SPEN: variants seen among roughly 807,000 people sequenced by gnomAD.
SPEN encodes spen family transcriptional repressor, also known as msx2-interacting protein.
In SPEN, 18 loss-of-function variants were observed where a neutral mutation model predicts 269.9. The observed-to-expected ratio is 0.07, with a 90% CI of 0.05 to 0.10. SPEN has a LOEUF of 0.10. Ranked by LOEUF, SPEN falls within the 10% of genes least tolerant of loss-of-function variation. The probability of loss-of-function intolerance (pLI) is 1.00; values close to 1 mark genes in which losing one functional copy is unlikely to be tolerated. For synonymous variants in SPEN, 1,726 were observed against 1,765.7 expected (o/e 0.98, Z 0.56); for missense variants, 3,822 against 4,631.2 (o/e 0.83, Z 5.07).
intron 1 of SPEN, among the ~76,000 whole-genome samples, chr1:15,871,088 C>T (rs1385923689): frequency 6.6e-6 from 1 of 152,148 alleles, no homozygotes; most frequent in Non-Finnish European, 1.5e-5. Context: ...CCTGCCTCAG[C>T]CTCCTGAGTA....
chr1:15,861,678 G>A (rs1467444056), intron 1 of SPEN, among the ~76,000 whole-genome samples: 3 of 151,894 alleles, frequency 2.0e-5, no homozygotes, highest in Non-Finnish European at 4.4e-5. Context: ...GGGTCTTGCT[G>A]TGTTTCCAGG....
At position 15,931,758 on chromosome 1, in the gene SPEN, G is replaced by A. The variant is rs771599410; in HGVS notation, c.5518G>A (p.Val1840Ile). Residue 1840 changes from valine (V) to isoleucine (I), a missense_variant, in exon 11 of 15, where the codon GTC becomes ATC. Val to Ile is a conservative substitution (Grantham distance 29). Around this residue, in one of 16 missense-constraint regions of SPEN, gnomAD observed 533 missense variants for 618.8 expected, o/e 0.86. Transcript: ENST00000375759. The surrounding 1 kb of genome is among the most constrained non-coding windows in gnomAD (Gnocchi z 4.8). ...AAAVSIVEKP[V>I]TRKSERIDRE... ...TGCAGTGAGTATCGTGGAGAAGCCC[G>A]TCACAAGGAAGAGTGAGAGGATAGA... is the stretch of plus-strand genomic sequence containing the variant. 38 of 1,613,962 alleles carry A rather than the reference G, an allele frequency of 2.4e-5. 1 individual carries two copies. Among genetic ancestry groups the A allele is most frequent in the South Asian group, 2.0e-4 (18 of 91,072 alleles).
intron 5 of SPEN, among the ~76,000 whole-genome samples, chr1:15,914,144 G>GT (rs1382331362): frequency 6.6e-6 from 1 of 152,160 alleles, no homozygotes; most frequent in East Asian, 1.9e-4. Context: ...GTCCACCTGA[G>GT]TTTCATGTGA....
chr1:15,930,003 T>A lies in SPEN; in HGVS notation c.3763T>A (p.Ser1255Thr). The change falls in exon 11 of 15, where the codon TCT (serine) becomes ACT (threonine). Residue 1255 changes from serine (S) to threonine (T), a missense_variant. By Grantham distance (58) the Ser-to-Thr change is moderately conservative (BLOSUM62 1). This residue lies in a region of SPEN where 267 missense variants were observed against 315.5 expected (regional missense o/e 0.85). Transcript: ENST00000375759. The surrounding 1 kb of genome is among the most constrained non-coding windows in gnomAD (Gnocchi z 5.3). ...AAGTTCACGCCAAATCAGCGAAGAT[T>A]CTGAAAGGACTGGTGGTTCTCCCAG... is the stretch of plus-strand genomic sequence containing the variant. ...YRSSRQISED[S>T]ERTGGSPSVR... is the part of the protein sequence containing the mutation. 1 of 1,614,152 alleles carries A rather than the reference T, an allele frequency of 6.2e-7. No individual in the cohort carries two copies. The highest frequency in any genetic ancestry group is 8.5e-7 in the Non-Finnish European group (1 of 1,180,030).
intron 10 of SPEN, among the ~76,000 whole-genome samples, chr1:15,925,307 A>G (rs1205361040): frequency 2.0e-5 from 3 of 152,176 alleles, no homozygotes; most frequent in Non-Finnish European, 2.9e-5. Flanking sequence ...GATGACATCT[A>G]CTTATGGCAC....
rs2070296308 is a variant in SPEN, at chr1:15,848,383, G to T, written c.83+233G>T. 6.6e-6 allele frequency among the ~76,000 whole-genome samples: 1 copy of T among 151,332 alleles called. No homozygotes were observed. On this transcript the variant is annotated intron_variant, in intron 1 of 14. Transcript: ENST00000375759. This position sits in a 1 kb window ranked among gnomAD's most constrained non-coding sequence, Gnocchi z 5.1. ...TTCGAAGAGCCCGCGGGGCCCCGGC[G>T]GCCGCGTCCGTGACGAGGGAGGTGA...
intron 3 of SPEN, among the ~76,000 whole-genome samples, chr1:15,904,225 C>G (rs892318088): frequency 2.7e-5 from 4 of 150,780 alleles, no homozygotes; most frequent in Admixed American, 6.6e-5. Flanking sequence ...TGCCTGTAAT[C>G]CCAGCACTTT....
intron 3 of SPEN, among the ~76,000 whole-genome samples, chr1:15,878,254 ATTACT>A (rs957550168): frequency 4.6e-5 from 7 of 152,194 alleles, no homozygotes; most frequent in Admixed American, 4.6e-4. Flanking sequence ...AAAGGCTCAG[ATTACT>A]TTTCTTTTGC....
At position 15,933,862 on chromosome 1, in the gene SPEN, C is replaced by T; in HGVS notation, c.7622C>T (p.Pro2541Leu). The part of the protein sequence containing the change: ...SSTLRKILMD[P>L]KYVSATSVTS... ...ACCCTGAGGAAGATTCTCATGGACC[C>T]CAAGTATGTGTCTGCCACAAGTGTC... Residue 2541 changes from proline (P) to leucine (L), a missense_variant, in exon 11 of 15, where the codon CCC becomes CTC. Coordinates refer to ENST00000375759, the MANE Select transcript of SPEN (RefSeq NM_015001.3). This position sits in a 1 kb window ranked among gnomAD's most constrained non-coding sequence, Gnocchi z 5.7. 6.2e-7 allele frequency: 1 copy of T among 1,613,694 alleles called. No individual in the cohort carries two copies. The highest frequency in any genetic ancestry group is 8.5e-7 in the Non-Finnish European group (1 of 1,180,044).
At position 15,928,757 on chromosome 1, in the gene SPEN, C is replaced by G; in HGVS notation, c.2517C>G (p.Asp839Glu). ...CTAGTTCTCAGTCTTCAGAAACGGA[C>G]CAAGAAAATGAGCGAGAGCAAAGCC... ...HSPSSQSSET[D>E]QENEREQSPE... The change falls in exon 11 of 15, where the codon GAC (aspartate) becomes GAG (glutamate). Residue 839 changes from aspartate (D) to glutamate (E), a missense_variant. Asp to Glu is a conservative substitution (Grantham distance 45, BLOSUM62 2). Coordinates refer to ENST00000375759, the MANE Select transcript of SPEN (RefSeq NM_015001.3). This position sits in a 1 kb window ranked among gnomAD's most constrained non-coding sequence, Gnocchi z 5.7. The G allele has an allele frequency of 6.2e-7, 1 of 1,613,920 alleles. No homozygotes were observed.
In SPEN at chr1:15,934,955, T is replaced by G; in HGVS notation, c.8715T>G (p.Asp2905Glu). The G allele has an allele frequency of 6.2e-7, 1 of 1,613,930 alleles. No individual in the cohort carries two copies. Among genetic ancestry groups the G allele is most frequent in the South Asian group, 1.1e-5 (1 of 91,066 alleles). ...CTGTGATTTCGTCTGTGAAGGCCGATAGGCCATCCTTGGAGAAGCCCGAGC... is the reference window on the plus strand; with the variant it reads ...CTGTGATTTCGTCTGTGAAGGCCGAGAGGCCATCCTTGGAGAAGCCCGAGC... ...ASPVISSVKA[D>E]RPSLEKPEPI... The change falls in exon 11 of 15, where the codon GAT becomes GAG. Residue 2905 changes from aspartate (D) to glutamate (E), a missense_variant. Around this residue, in one of 16 missense-constraint regions of SPEN, gnomAD observed 329 missense variants for 431.2 expected, o/e 0.76. Transcript: ENST00000375759. The surrounding 1 kb of genome is among the most constrained non-coding windows in gnomAD (Gnocchi z 9.2).
chr1:15,858,071 T>C (rs573961005), intron 1 of SPEN, among the ~76,000 whole-genome samples: 5 of 152,262 alleles, frequency 3.3e-5, no homozygotes, highest in African/African-American at 9.6e-5. Context: ...GAGGTTGCAG[T>C]GAGCCGAGAT....
intron 10 of SPEN, among the ~76,000 whole-genome samples, chr1:15,924,178 C>T (rs1339950282): frequency 2.6e-5 from 4 of 152,080 alleles, no homozygotes; most frequent in Admixed American, 2.0e-4. Flanking sequence ...ATTATGTGGC[C>T]ACATGCAGGA....
rs200731520 is a variant in SPEN at position 15,906,453 on chromosome 1, CTTTTTTTTTTTTTTTT to C, written c.882-2858_882-2843del. Among the ~76,000 whole-genome samples the C allele has an allele frequency of 4.3e-5, 4 of 92,588 alleles. No homozygotes were observed. The East Asian group carries it at 1.1e-3, about 26-fold the overall frequency. The allele number at this position is 92,588 out of a possible 152,430, so 60.7% of individuals were successfully genotyped here. A position where few individuals can be genotyped will look rare whatever the true frequency, so the allele number is the denominator to read the frequency against. On this transcript the variant is annotated intron_variant, in intron 3 of 14. Coordinates refer to ENST00000375759, the MANE Select transcript of SPEN (RefSeq NM_015001.3). The stretch of plus-strand genomic sequence containing the variant: ...GCTTTCTTTTTCTTTTCTTTCTTTC[CTTTTTTTTTTTTTTTT>C]TTTTTTTTTGAGACAGTCTCGCTCT...
At chr1:15,866,945 G>A (rs1381935772) in intron 1 of SPEN, among the ~76,000 whole-genome samples, 2 of 152,116 alleles carry the variant, frequency 1.3e-5, no homozygotes, top group African/African-American at 2.4e-5. Context: ...GAAGGACAGG[G>A]ACAGGTATTT....
In SPEN at chr1:15,874,333, T is replaced by C. The variant is rs761555839; in HGVS notation, c.404+1197T>C. The C allele has an allele frequency of 2.2e-6, 3 of 1,366,428 alleles. No homozygotes were observed. The African/African-American group carries it at 4.4e-5, about 20-fold the overall frequency. 84.6% of individuals were successfully genotyped at this position (1,366,428 alleles called of 1,614,324 possible). On this transcript the variant is annotated intron_variant, in intron 2 of 14. Coordinates refer to ENST00000375759, the MANE Select transcript of SPEN (RefSeq NM_015001.3). ...AGAGGGGCCAAAATTGGGGAAGTTA[T>C]GTTCACAATTCTCTCCCTAGATTTA...
At chr1:15,904,544 G>C (rs2070937394) in intron 3 of SPEN, among the ~76,000 whole-genome samples, 1 of 147,318 alleles carries the variant, frequency 6.8e-6, no homozygotes, top group Admixed American at 6.9e-5. Flanking sequence ...TCCCCTTCTA[G>C]TTGCCACTTC....
intron 1 of SPEN, among the ~76,000 whole-genome samples, chr1:15,858,179 C>T (rs925759880): frequency 2.6e-5 from 4 of 151,882 alleles, no homozygotes; most frequent in African/African-American, 9.7e-5. Context: ...GTCTTGAACT[C>T]CTGGGCTCAA....
At chr1:15,880,406 T>C (rs1224824495) in intron 3 of SPEN, among the ~76,000 whole-genome samples, 2 of 152,070 alleles carry the variant, frequency 1.3e-5, no homozygotes, top group African/African-American at 4.8e-5. Context: ...ATTAACTTAT[T>C]GATTCCTTCT....
Sources: gnomAD v4.1 joint callset for allele counts (sites outside exome capture counted in the v4.1 genomes callset) on GRCh38, gnomAD v4.1.1 for gene constraint, gnomAD v4.1.1 regional missense constraint, Gnocchi (gnomAD v3.1) non-coding constraint, MANE v1.5 for transcripts, NCBI Gene and HGNC (gene_info 2026-07-23, HGNC 2026-07-21) for gene names.